Variants in LOXL1 observed in about 807,000 individuals in gnomAD.
The protein encoded by LOXL1 is lysyl oxidase homolog 1.
In LOXL1, 31 loss-of-function variants were observed where a neutral mutation model predicts 62.2. The ratio of observed to expected loss-of-function variants is 0.50; its 90% CI spans 0.37 to 0.67. LOXL1 has a LOEUF of 0.67. Ranked by LOEUF, LOXL1 falls within the 30% of genes least tolerant of loss-of-function variation. LOXL1 has a pLI of 0.00. For synonymous variants in LOXL1, 403 were observed against 384.4 expected, an observed-to-expected ratio of 1.05 and a Z score of -0.56; for missense variants, 775 against 843.4, an observed-to-expected ratio of 0.92 and a Z score of 1.00.
At chr15:73,951,772 G>T in intron 6 of LOXL1, 59 bp from the exon 7 acceptor site, 1 of 1,460,396 alleles carries the variant, frequency 6.8e-7, no homozygotes, top group South Asian at 1.4e-5. Context: ...CCCTGGCTGA[G>T]GAGGCCACGG....
At position 73,946,412 on chromosome 15, in the gene LOXL1, T is replaced by C. The variant is rs1486059900; in HGVS notation, c.1212-5T>C. ...CCCCCCTCATCTCCCCCGCCGTCCC[T>C]GCAGCACAGCCTATGCCCCTGAGGC... On this transcript the variant is annotated splice_region_variant and splice_polypyrimidine_tract_variant and intron_variant, in intron 2 of 6. Transcript: ENST00000261921. 7.1e-7 allele frequency: 1 copy of C among 1,406,698 alleles called. No individual in the cohort carries two copies. Among genetic ancestry groups the C allele is most frequent in the Non-Finnish European group, 9.8e-7 (1 of 1,021,032 alleles). 87.1% of individuals were successfully genotyped at this position (1,406,698 alleles called of 1,614,324 possible). A position where few individuals can be genotyped will look rare whatever the true frequency, so the allele number is the denominator to read the frequency against.
At chr15:73,944,013 A>G (rs185886975) in intron 2 of LOXL1, among the ~76,000 whole-genome samples, 30 of 152,350 alleles carry the variant, frequency 2.0e-4, no homozygotes, top group Middle Eastern at 3.4e-3. Context: ...TATCCGCTGA[A>G]CTAAGCAGAG....
intron 1 of LOXL1, among the ~76,000 whole-genome samples, chr15:73,938,558 A>C (rs1376976887): frequency 2.0e-5 from 3 of 152,110 alleles, no homozygotes; most frequent in African/African-American, 7.2e-5. Context: ...TGAAAATACA[A>C]AAATTAGCCA....
intron 1 of LOXL1, among the ~76,000 whole-genome samples, chr15:73,937,722 G>C (rs1019407521): frequency 6.6e-6 from 1 of 152,238 alleles, no homozygotes; most frequent in Admixed American, 6.5e-5. Context: ...AAGACCCCAG[G>C]CTCCTGTCTC....
intron 4 of LOXL1, 105 bp downstream of exon 4, chr15:73,947,328 C>A: frequency 7.8e-7 from 1 of 1,277,480 alleles, no homozygotes; most frequent in Non-Finnish European, 1.1e-6. Flanking sequence ...TCTGGCCACT[C>A]AGCTCTGCTC....
At chr15:73,938,436 G>A (rs2068691257) in intron 1 of LOXL1, among the ~76,000 whole-genome samples, 1 of 139,324 alleles carries the variant, frequency 7.2e-6, no homozygotes, top group Non-Finnish European at 1.7e-5. Flanking sequence ...CATGGACTGG[G>A]CTCGGTGGCT....
intron 1 of LOXL1, among the ~76,000 whole-genome samples, chr15:73,934,787 G>A (rs2068659342): frequency 6.6e-6 from 1 of 152,222 alleles, no homozygotes; most frequent in Admixed American, 6.5e-5. Flanking sequence ...TAAGTGCTGT[G>A]GAAAAATAGA....
In LOXL1 at chr15:73,927,720, T is replaced by C; in HGVS notation, c.937T>C (p.Tyr313His). ...CCCACGCCTGGGCTGGTACCCGCCC[T>C]ACGCCAACCCGCCGCCCGAGGCGTA... ...GDPRLGWYPP[Y>H]ANPPPEAYGP... The change falls in exon 1 of 7, where the codon TAC becomes CAC. Residue 313 changes from tyrosine (Y) to histidine (H), a missense_variant. By Grantham distance (83) the Tyr-to-His change is moderately conservative. Transcript: ENST00000261921. 6.8e-7 allele frequency: 1 copy of C among 1,466,806 alleles called. No homozygotes were observed. The highest frequency in any genetic ancestry group is 9.0e-7 in the Non-Finnish European group (1 of 1,116,026). 90.9% of individuals were successfully genotyped at this position (1,466,806 alleles called of 1,614,324 possible). A position where few individuals can be genotyped will look rare whatever the true frequency, so the allele number is the denominator to read the frequency against.
In LOXL1 at chr15:73,927,596, C is replaced by CG. The variant is rs1350396334; in HGVS notation, c.813_814insG (p.Arg272AlafsTer21). 1 of 1,502,266 alleles carries CG rather than the reference C, an allele frequency of 6.7e-7. No individual in the cohort carries two copies. Among genetic ancestry groups the CG allele is most frequent in the Non-Finnish European group, 8.8e-7 (1 of 1,132,438 alleles). 93.1% of individuals were successfully genotyped at this position (1,502,266 alleles called of 1,614,324 possible). On this transcript the variant is annotated frameshift_variant, in exon 1 of 7. Coordinates refer to ENST00000261921, the MANE Select transcript of LOXL1 (RefSeq NM_005576.4). LOFTEE classifies it high-confidence loss of function. Reference sequence around the variant, plus strand: ...CGCCGCCGCCCCCCGACGGCCTGGACCGCCGCTACTCGCACAGTCTGTACA... The same window carrying CG: ...CGCCGCCGCCCCCCGACGGCCTGGACGCGCCGCTACTCGCACAGTCTGTACA...
At chr15:73,937,513 G>T (rs777645084) in intron 1 of LOXL1, among the ~76,000 whole-genome samples, 1 of 152,222 alleles carries the variant, frequency 6.6e-6, no homozygotes, top group Non-Finnish European at 1.5e-5. Context: ...TCGCTGCCCC[G>T]TGACTCAGCA....
chr15:73,940,893 A>G (rs1008895393), intron 1 of LOXL1, among the ~76,000 whole-genome samples: 14 of 152,208 alleles, frequency 9.2e-5, no homozygotes, highest in Admixed American at 3.3e-4. Flanking sequence ...GAAATAGCCT[A>G]GATAGGAAGG....
intron 2 of LOXL1, 32 bp from the exon 3 acceptor site, chr15:73,946,385 A>ACC: frequency 2.1e-6 from 3 of 1,458,036 alleles, no homozygotes; most frequent in Non-Finnish European, 2.9e-6. Context: ...CTGTGCCCCA[A>ACC]CCCCCCCTCA....
At position 73,927,734 on chromosome 15, in the gene LOXL1, G is replaced by T. The variant is rs979306571; in HGVS notation, c.951G>T (p.Pro317=). 1 of 1,461,174 alleles carries T rather than the reference G, an allele frequency of 6.8e-7. No homozygotes were observed. Among genetic ancestry groups the T allele is most frequent in the Non-Finnish European group, 9.0e-7 (1 of 1,113,134 alleles). 90.5% of individuals were successfully genotyped at this position (1,461,174 alleles called of 1,614,324 possible). ...GGTACCCGCCCTACGCCAACCCGCC[G>T]CCCGAGGCGTACGGGCCGCCGCGCG... ...LGWYPPYANP[P]PEAYGPPRAL... is the part of the protein sequence containing the mutation. Residue 317 remains proline, a synonymous_variant, in exon 1 of 7, where the codon CCG becomes CCT. Coordinates refer to ENST00000261921, the MANE Select transcript of LOXL1 (RefSeq NM_005576.4).
chr15:73,951,521 A>AG (rs1555434162), intron 6 of LOXL1, among the ~76,000 whole-genome samples: 1 of 151,830 alleles, frequency 6.6e-6, no homozygotes, highest in Non-Finnish European at 1.5e-5. Context: ...AAAAAAAAAA[A>AG]GTACTGAGTT....
chr15:73,931,604 C>T (rs891612349), intron 1 of LOXL1, among the ~76,000 whole-genome samples: 2 of 152,102 alleles, frequency 1.3e-5, no homozygotes, highest in Admixed American at 1.3e-4. Context: ...AAGGGTGTTT[C>T]TAGGGTACCT....
At chr15:73,927,944 C>T in intron 1 of LOXL1, 59 bp downstream of exon 1, 1 of 1,255,794 alleles carries the variant, frequency 8.0e-7, no homozygotes, top group Non-Finnish European at 1.0e-6. Flanking sequence ...GGAAACTGCT[C>T]CGGGCCCCCC....
chr15:73,946,355 C>T (rs2068746531), intron 2 of LOXL1, 62 bp from the exon 3 acceptor site: 2 of 1,256,396 alleles, frequency 1.6e-6, no homozygotes, highest in Admixed American at 1.7e-5. Context: ...TGAGGGGGCC[C>T]ATGCTGGGTT....
intron 2 of LOXL1, among the ~76,000 whole-genome samples, chr15:73,943,666 A>T (rs2068729963): frequency 6.6e-6 from 1 of 152,226 alleles, no homozygotes; most frequent in Admixed American, 6.5e-5. Flanking sequence ...TTCTGCTGGA[A>T]CATAGGTGCT....
At chr15:73,935,934 G>GGTGTGTGGGTGTGT (rs2068667946) in intron 1 of LOXL1, among the ~76,000 whole-genome samples, 1 of 131,838 alleles carries the variant, frequency 7.6e-6, no homozygotes, top group African/African-American at 2.9e-5. Flanking sequence ...AGGTAGAGCT[G>GGTGTGTGGGTGTGT]GTGTGTGTGT....
Sources: gnomAD v4.1 joint callset for allele counts (sites outside exome capture counted in the v4.1 genomes callset) on GRCh38, gnomAD v4.1.1 for gene constraint, MANE v1.5 for transcripts, NCBI Gene and HGNC (gene_info 2026-07-23, HGNC 2026-07-21) for gene names.